The following LOC400499 variants were observed in gnomAD, a reference collection of about 807,000 sequenced individuals.
At chr16:11,489,108 G>C in the LOC400499 span, among the ~76,000 whole-genome samples, 1 of 152,242 alleles carries the variant, frequency 6.6e-6, no homozygotes, top group African/African-American at 2.4e-5. Flanking sequence ...TCCCAGAAGA[G>C]AAAGGAAGGT....
chr16:11,456,790 G>T, the LOC400499 span: 1 of 1,503,390 alleles, frequency 6.7e-7, no homozygotes, highest in Non-Finnish European at 9.0e-7. Flanking sequence ...AGGAGGCATA[G>T]CTTGAGCAAA....
At chr16:11,376,727 A>G in the LOC400499 span, among the ~76,000 whole-genome samples, 12 of 152,222 alleles carry the variant, frequency 7.9e-5, no homozygotes, top group Non-Finnish European at 1.5e-4. Flanking sequence ...AAGTGAAGAA[A>G]AAATGCCACT....
At chr16:11,511,929 A>T in the LOC400499 span, among the ~76,000 whole-genome samples, 2 of 151,996 alleles carry the variant, frequency 1.3e-5, no homozygotes, top group Non-Finnish European at 2.9e-5. Flanking sequence ...ACACTGGGGG[A>T]ACCCCTTGAC....
the LOC400499 span, chr16:11,457,140 A>C: frequency 9.0e-7 from 1 of 1,111,050 alleles, no homozygotes; most frequent in Non-Finnish European, 1.2e-6. Flanking sequence ...AGATTGCACT[A>C]CTGCACTCCA....
At chr16:11,411,390 G>A in the LOC400499 span, 2 of 398,968 alleles carry the variant, frequency 5.0e-6, no homozygotes, top group Admixed American at 4.4e-5. Flanking sequence ...GTGCCCCCAG[G>A]GCCATGTCGA....
the LOC400499 span, among the ~76,000 whole-genome samples, chr16:11,410,364 G>C: frequency 1.3e-5 from 2 of 152,232 alleles, no homozygotes; most frequent in Non-Finnish European, 2.9e-5. Context: ...TGGGGCAGGA[G>C]AATCGCTTGA....
At chr16:11,507,420 G>C in the LOC400499 span, among the ~76,000 whole-genome samples, 9 of 152,178 alleles carry the variant, frequency 5.9e-5, no homozygotes, top group Non-Finnish European at 1.2e-4. Flanking sequence ...CCCAGGGCGA[G>C]AAACCCTGCT....
the LOC400499 span, among the ~76,000 whole-genome samples, chr16:11,487,845 G>A: frequency 6.6e-6 from 1 of 152,312 alleles, no homozygotes; most frequent in East Asian, 1.9e-4. Flanking sequence ...GCCAGGCACA[G>A]TGGCTCATGC....
the LOC400499 span, chr16:11,502,106 T>C: frequency 2.8e-3 from 1,127 of 399,038 alleles, 11 homozygotes; most frequent in African/African-American, 0.021. Flanking sequence ...AGGAAGAATA[T>C]TGCCAGAGTT....
the LOC400499 span, among the ~76,000 whole-genome samples, chr16:11,524,641 C>T: frequency 2.6e-5 from 4 of 152,296 alleles, no homozygotes; most frequent in East Asian, 7.7e-4. Context: ...ACAACCAGGG[C>T]ATGAGCAGAT....
the LOC400499 span, chr16:11,485,079 A>G: frequency 1.2e-4 from 48 of 398,962 alleles, 1 homozygote; most frequent in African/African-American, 9.0e-4. Context: ...CCAAGCTGGG[A>G]AGGGAAGCCA....
the LOC400499 span, among the ~76,000 whole-genome samples, chr16:11,473,394 T>G: frequency 6.6e-6 from 1 of 152,042 alleles, no homozygotes; most frequent in Non-Finnish European, 1.5e-5. Context: ...TTTGGCACAT[T>G]TATTTCCTGT....
At chr16:11,493,728 A>G in the LOC400499 span, 1 of 395,358 alleles carries the variant, frequency 2.5e-6, no homozygotes, top group Non-Finnish European at 4.4e-6. Flanking sequence ...ATGCACAGGC[A>G]CTCAACGTAG....
chr16:11,456,966 T>A, the LOC400499 span: 1 of 1,536,164 alleles, frequency 6.5e-7, no homozygotes, highest in Non-Finnish European at 8.7e-7. Context: ...GCTCTCCACA[T>A]AGGGCAGGCG....
At chr16:11,474,701 T>C in the LOC400499 span, among the ~76,000 whole-genome samples, 3 of 78,162 alleles carry the variant, frequency 3.8e-5, no homozygotes, top group Admixed American at 3.9e-4. Context: ...CTCTACAAAA[T>C]ACAAAAAAAA....
At chr16:11,484,168 T>C in the LOC400499 span, among the ~76,000 whole-genome samples, 2 of 151,752 alleles carry the variant, frequency 1.3e-5, no homozygotes, top group Non-Finnish European at 2.9e-5. Context: ...CCACCACGCC[T>C]GGCTAATTTT....
chr16:11,516,604 G>A, the LOC400499 span, among the ~76,000 whole-genome samples: 7 of 152,164 alleles, frequency 4.6e-5, no homozygotes, highest in African/African-American at 1.4e-4. Context: ...ATTCCAAAAC[G>A]CCTCACTTAA....
chr16:11,505,712 G>T, the LOC400499 span, among the ~76,000 whole-genome samples: 1 of 151,904 alleles, frequency 6.6e-6, no homozygotes, highest in African/African-American at 2.4e-5. Context: ...GCCTCCCAAA[G>T]TGCTGTGTTT....
chr16:11,399,972 G>A, the LOC400499 span, among the ~76,000 whole-genome samples: 3 of 151,900 alleles, frequency 2.0e-5, no homozygotes, highest in Non-Finnish European at 4.4e-5. Context: ...GAGGAACTAG[G>A]ATGGAGGGTG....
Sources: allele counts gnomAD v4.1 joint callset (sites outside exome capture counted in the v4.1 genomes callset), GRCh38; gene constraint gnomAD v4.1.1; transcripts MANE v1.5.